Variants in CERS1 observed in about 807,000 individuals in gnomAD.
CERS1 encodes Embryonic growth/differentiation factor 1.
Under a neutral mutation model 35.7 loss-of-function variants are expected in CERS1, and 16 were observed. The ratio of observed to expected loss-of-function variants is 0.45; its 90% CI spans 0.30 to 0.68. The LOEUF is 0.68. Among genes scored for constraint, CERS1 ranks in the 30% least tolerant of loss-of-function variants. The pLI is 0.08. For missense variants in CERS1, 454 were observed against 453.9 expected (o/e 1.00, Z 0.00); for synonymous variants, 243 against 201.6 (o/e 1.21, Z -1.74).
Position 18,895,883 on chromosome 19 carries a change from C to A in CERS1, c.190G>T (p.Ala64Ser). 1.6e-6 allele frequency: 2 copies of A among 1,277,018 alleles called. No individual in the cohort carries two copies. Among genetic ancestry groups the A allele is most frequent in the Non-Finnish European group, 2.0e-6 (2 of 1,012,056 alleles). 79.1% of individuals were successfully genotyped at this position (1,277,018 alleles called of 1,614,324 possible). A position where few individuals can be genotyped will look rare whatever the true frequency, so the allele number is the denominator to read the frequency against. Reference sequence around the variant, plus strand: ...GCGGTCCAGCCCAGCGCGCCGAGCGCCAGCAGCAGCAGCTCGGGCGGCGCC... The same window carrying A: ...GCGGTCCAGCCCAGCGCGCCGAGCGACAGCAGCAGCAGCTCGGGCGGCGCC... ...HLAPPELLLL[A>S]LGALGWTALR... Residue 64 changes from alanine (A) to serine (S), a missense_variant, in exon 1 of 8, where the codon GCG becomes TCG. Coordinates refer to ENST00000623882, the MANE Select transcript of CERS1 (RefSeq NM_021267.5). This position sits in a 1 kb window ranked among gnomAD's most constrained non-coding sequence, Gnocchi z 6.4.
intron 2 of CERS1, 148 bp from the exon 3 acceptor site, chr19:18,884,415 CTA>C: frequency 1.4e-6 from 1 of 695,484 alleles, no homozygotes; most frequent in Non-Finnish European, 2.2e-6. Context: ...ATTCCCAATT[CTA>C]TTTTTTTTTT....
intron 6 of CERS1, among the ~76,000 whole-genome samples, chr19:18,872,705 G>C (rs373705100): frequency 2.0e-5 from 3 of 151,726 alleles, no homozygotes; most frequent in African/African-American, 4.8e-5. Context: ...TAGTAGAGAT[G>C]CGGTTTTACC....
At position 18,870,626 on chromosome 19, in the gene CERS1, G is replaced by C. The variant is rs772535736; in HGVS notation, c.1011-7C>G. 3 of 569,854 alleles carry C rather than the reference G, an allele frequency of 5.3e-6. No individual in the cohort carries two copies. The highest frequency in any genetic ancestry group is 6.4e-6 in the Non-Finnish European group (2 of 314,960). 35.3% of individuals were successfully genotyped at this position (569,854 alleles called of 1,614,324 possible). ...GCCGTTCCTCAGTGGCTTCCTGGGG[G>C]TCAGAACCGGCGCAGGTTAGCCTGG... On this transcript the variant is annotated splice_region_variant and splice_polypyrimidine_tract_variant and intron_variant, in intron 6 of 7. Coordinates refer to ENST00000623882, the MANE Select transcript of CERS1 (RefSeq NM_021267.5). This position sits in a 1 kb window ranked among gnomAD's most constrained non-coding sequence, Gnocchi z 5.1.
At chr19:18,884,777 G>A (rs1441011163) in intron 2 of CERS1, among the ~76,000 whole-genome samples, 2 of 125,960 alleles carry the variant, frequency 1.6e-5, no homozygotes, top group Non-Finnish European at 3.2e-5. Flanking sequence ...GCAGCGGCAC[G>A]ATCTCAGCTC....
chr19:18,868,670 A>G lies in CERS1; in HGVS notation c.*1315T>C. 1 of 1,573,986 alleles carries G rather than the reference A, an allele frequency of 6.4e-7. No homozygotes were observed. The highest frequency in any genetic ancestry group is 1.2e-5 in the South Asian group (1 of 85,962). On this transcript the variant is annotated 3_prime_UTR_variant, in exon 8 of 8. Coordinates refer to ENST00000623882, the MANE Select transcript of CERS1 (RefSeq NM_021267.5). ...CACCACGTTGTCGCTGTTGTCAAAG[A>G]AGAGCACGGAGATGGGCGACAGGCG...
intron 6 of CERS1, among the ~76,000 whole-genome samples, chr19:18,872,438 C>G (rs890963736): frequency 8.5e-5 from 13 of 152,144 alleles, no homozygotes; most frequent in African/African-American, 3.1e-4. Context: ...ACCTCTGCCT[C>G]CCAGGTTCAC....
chr19:18,890,685 G>A (rs2056467298), intron 2 of CERS1, among the ~76,000 whole-genome samples: 1 of 151,838 alleles, frequency 6.6e-6, no homozygotes, highest in South Asian at 2.1e-4. Context: ...GAAGGCTGAG[G>A]TGGGATGATT....
At chr19:18,872,634 G>GC (rs1257344867) in intron 6 of CERS1, among the ~76,000 whole-genome samples, 1 of 151,752 alleles carries the variant, frequency 6.6e-6, no homozygotes, top group African/African-American at 2.4e-5. Flanking sequence ...TCCTGCCTCA[G>GC]CCCCCCAAGT....
intron 3 of CERS1, among the ~76,000 whole-genome samples, chr19:18,882,438 G>A (rs1474359120): frequency 6.6e-6 from 1 of 151,494 alleles, no homozygotes; most frequent in African/African-American, 2.4e-5. Context: ...TTCGAGTCCA[G>A]CCTGGCCAAC....
At chr19:18,893,294 G>T in intron 2 of CERS1, 122 bp downstream of exon 2, 4 of 1,092,448 alleles carry the variant, frequency 3.7e-6, no homozygotes, top group Non-Finnish European at 3.9e-6. Flanking sequence ...AGCTCCCCTT[G>T]GCCTCCAACT....
At chr19:18,891,596 C>T (rs1243042484) in intron 2 of CERS1, among the ~76,000 whole-genome samples, 1 of 152,094 alleles carries the variant, frequency 6.6e-6, no homozygotes, top group Non-Finnish European at 1.5e-5. Context: ...CCCCAACCCC[C>T]AGGCAGGGTC....
Position 18,870,257 on chromosome 19 carries a change from C to T in CERS1, c.*320G>A. ...GGGGCAGCGAGGGCAGCAGCAGGGC[C>T]AGGAGGAGGAGGAGGTGGTGGCCGC... On this transcript the variant is annotated 3_prime_UTR_variant, in exon 7 of 8. Transcript: ENST00000623882. The surrounding 1 kb of genome is among the most constrained non-coding windows in gnomAD (Gnocchi z 5.1). 1 of 1,551,656 alleles carries T rather than the reference C, an allele frequency of 6.4e-7. No individual in the cohort carries two copies. Among genetic ancestry groups the T allele is most frequent in the Non-Finnish European group, 8.7e-7 (1 of 1,150,524 alleles).
At chr19:18,872,762 C>T (rs1045541272) in intron 6 of CERS1, among the ~76,000 whole-genome samples, 3 of 151,426 alleles carry the variant, frequency 2.0e-5, no homozygotes, top group East Asian at 1.9e-4. Context: ...GTGATCCACC[C>T]GCCTCAGCCT....
At chr19:18,877,369 G>A (rs1258472086) in intron 6 of CERS1, among the ~76,000 whole-genome samples, 5 of 152,148 alleles carry the variant, frequency 3.3e-5, no homozygotes, top group Admixed American at 6.5e-5. Context: ...GGACCTTCCT[G>A]GTGTCTAGAT....
At chr19:18,896,924 C>CGGGG (rs34047779), upstream of CERS1, among the ~76,000 whole-genome samples, 10 of 132,060 alleles carry the variant, frequency 7.6e-5, no homozygotes, top group Non-Finnish European at 1.3e-4. This position sits in a 1 kb window ranked among gnomAD's most constrained non-coding sequence, Gnocchi z 5.9. Context: ...CTGGGGAACC[C>CGGGG]GGGGGGGGGG....
Position 18,879,054 on chromosome 19 carries a change from G to A in CERS1, c.901-15C>T, listed in dbSNP as rs774715586. 5.6e-6 allele frequency: 9 copies of A among 1,612,332 alleles called. No homozygotes were observed. Among genetic ancestry groups the A allele is most frequent in the Admixed American group, 1.7e-5 (1 of 59,888 alleles). ...GCCACGATGTACTGCGAGAGGGGAGGGGAGGTGCCAGTGAGAAGAAAGCCC... is the reference window on the plus strand; with the variant it reads ...GCCACGATGTACTGCGAGAGGGGAGAGGAGGTGCCAGTGAGAAGAAAGCCC... On this transcript the variant is annotated splice_polypyrimidine_tract_variant and intron_variant, in intron 5 of 7. Transcript: ENST00000623882.
At position 18,895,963 on chromosome 19, in the gene CERS1, C is replaced by T. The variant is rs1370788453; in HGVS notation, c.110G>A (p.Cys37Tyr). The change falls in exon 1 of 8, where the codon TGC becomes TAC. Residue 37 changes from cysteine (C) to tyrosine (Y), a missense_variant. Transcript: ENST00000623882. This position sits in a 1 kb window ranked among gnomAD's most constrained non-coding sequence, Gnocchi z 6.4. ...CGCCAGCCCCCAGCCGCAGTCCGTG[C>T]AGCCCCGCGCCGCCGCCAGCGCGCT... Reference protein sequence around the residue: ...WGSALAAARGCTDCGWGLARR... With the variant: ...WGSALAAARGYTDCGWGLARR... 9.3e-7 allele frequency: 1 copy of T among 1,077,160 alleles called. No individual in the cohort carries two copies. Among genetic ancestry groups the T allele is most frequent in the Non-Finnish European group, 1.1e-6 (1 of 889,006 alleles). 66.7% of individuals were successfully genotyped at this position (1,077,160 alleles called of 1,614,324 possible).
chr19:18,885,851 G>A (rs1287397128), intron 2 of CERS1, among the ~76,000 whole-genome samples: 1 of 152,092 alleles, frequency 6.6e-6, no homozygotes, highest in African/African-American at 2.4e-5. Flanking sequence ...CTGCCTTGCG[G>A]GTGTCCTGGG....
At chr19:18,876,742 G>A (rs2056067247) in intron 6 of CERS1, among the ~76,000 whole-genome samples, 2 of 152,106 alleles carry the variant, frequency 1.3e-5, no homozygotes. Context: ...AGGGAGTAGA[G>A]GGAGCTCCTG....
Sources: gnomAD v4.1 joint callset for allele counts (sites outside exome capture counted in the v4.1 genomes callset) on GRCh38, gnomAD v4.1.1 for gene constraint, Gnocchi (gnomAD v3.1) non-coding constraint, MANE v1.5 for transcripts, NCBI Gene and HGNC (gene_info 2026-07-23, HGNC 2026-07-21) for gene names.